The following SEPTIN1 variants were observed in gnomAD, a reference collection of about 807,000 sequenced individuals.
SEPTIN1 encodes the protein septin-1.
Under a neutral mutation model 50.7 loss-of-function variants are expected in SEPTIN1, and 52 were observed. The ratio of observed to expected loss-of-function variants is 1.03; its 90% CI spans 0.82 to 1.29. The LOEUF is 1.29. SEPTIN1 is among the 50% of genes most tolerant of loss of function. The pLI is 0.00. For missense variants in SEPTIN1, 455 were observed against 490.7 expected, an observed-to-expected ratio of 0.93 and a Z score of 0.69; for synonymous variants, 204 against 189.1, an observed-to-expected ratio of 1.08 and a Z score of -0.65.
Position 30,381,940 on chromosome 16 carries a change from C to T in SEPTIN1, c.197-57G>A. ...GGAGGCTCTGAGGCAGAATTAATTT[C>T]CTTTGTCAATATCACAGTTGCCTGC... On this transcript the variant is annotated intron_variant, in intron 3 of 10. Coordinates refer to ENST00000321367, the MANE Select transcript of SEPTIN1 (RefSeq NM_001365977.2). The surrounding 1 kb of genome is among the most constrained non-coding windows in gnomAD (Gnocchi z 4.3). The T allele has an allele frequency of 6.2e-7, 1 of 1,609,928 alleles. No individual in the cohort carries two copies. Among genetic ancestry groups the T allele is most frequent in the South Asian group, 1.1e-5 (1 of 90,632 alleles).
intron 6 of SEPTIN1, chr16:30,380,526 T>A (rs544234282): frequency 1.3e-5 from 2 of 158,742 alleles, no homozygotes; most frequent in East Asian, 3.8e-4. Context: ...TGTCTTAAAC[T>A]CTTCAGCTCA....
In SEPTIN1 at chr16:30,379,499, C is replaced by T. The variant is rs371586167; in HGVS notation, c.711G>A (p.Glu237=). The T allele has an allele frequency of 4.3e-6, 7 of 1,613,880 alleles. No homozygotes were observed. The highest frequency in any genetic ancestry group is 5.9e-6 in the Non-Finnish European group (7 of 1,180,020). Residue 237 remains glutamate, a synonymous_variant, in exon 8 of 11, where the codon GAG becomes GAA. Transcript: ENST00000321367. The part of the protein sequence containing the change: ...SIPFAVVGSC[E]VVRDGGNRPV... The stretch of plus-strand genomic sequence containing the variant: ...GCCGGTTCCCGCCATCCCTCACCAC[C>T]TCGCATGATCCCACGACTGCAAAAG...
chr16:30,382,018 G>A lies in SEPTIN1; in HGVS notation c.196+75C>T. On this transcript the variant is annotated intron_variant, in intron 3 of 10. Coordinates refer to ENST00000321367, the MANE Select transcript of SEPTIN1 (RefSeq NM_001365977.2). The surrounding 1 kb of genome is among the most constrained non-coding windows in gnomAD (Gnocchi z 4.8). ...AGAAAAAAAGCAGTCAACTACCTGA[G>A]TCCCCAGATGGAAAAGACTAGGGTG... 1.3e-6 allele frequency: 2 copies of A among 1,597,356 alleles called. No individual in the cohort carries two copies. Among genetic ancestry groups the A allele is most frequent in the Admixed American group, 3.4e-5 (2 of 58,636 alleles).
rs746237388 is a variant in SEPTIN1 at position 30,382,200 on chromosome 16, A to C, written c.110-21T>G. 2 of 1,612,850 alleles carry C rather than the reference A, an allele frequency of 1.2e-6. No individual in the cohort carries two copies. The highest frequency in any genetic ancestry group is 1.1e-5 in the South Asian group (1 of 90,956). On this transcript the variant is annotated intron_variant, in intron 2 of 10. Transcript: ENST00000321367. The surrounding 1 kb of genome is among the most constrained non-coding windows in gnomAD (Gnocchi z 4.8). Reference sequence around the variant, plus strand: ...CTCCCCTGTGGACAGAACAGGCCCAACTGGTCAGGGGAGGGGACAGCCAGG... The same window carrying C: ...CTCCCCTGTGGACAGAACAGGCCCACCTGGTCAGGGGAGGGGACAGCCAGG...
At chr16:30,378,873 A>AGAGACG (rs1382127421) in intron 9 of SEPTIN1, 145 bp downstream of exon 9, 2 of 487,038 alleles carry the variant, frequency 4.1e-6, no homozygotes, top group African/African-American at 5.5e-5. Flanking sequence ...GGAGAGACGG[A>AGAGACG]GAGAGGGAGG....
chr16:30,380,146 C>T, intron 6 of SEPTIN1, 113 bp from the exon 7 acceptor site: 1 of 780,124 alleles, frequency 1.3e-6, no homozygotes. Context: ...GAGAGAAAGA[C>T]ATGAAAGACA....
In SEPTIN1 at chr16:30,379,442, G is replaced by C. The variant is rs772941508; in HGVS notation, c.768C>G (p.Thr256=). ...CTGCCTGGCCTCACTCACCCTCCAC[G>C]GTCCCCCAGGAGTAGCGGCGTCCCC... The part of the protein sequence containing the change: ...PVRGRRYSWG[T]VEVENPHHCD... The change falls in exon 8 of 11, where the codon ACC becomes ACG. Residue 256 remains threonine (T), a synonymous_variant. Transcript: ENST00000321367. 5 of 1,613,520 alleles carry C rather than the reference G, an allele frequency of 3.1e-6. No individual in the cohort carries two copies. The African/African-American group carries it at 4.0e-5, about 13-fold the overall frequency.
chr16:30,379,445 C>G lies in SEPTIN1; in HGVS notation c.765G>C (p.Gly255=). ...RPVRGRRYSW[G]TVEVENPHHC... Reference sequence around the variant, plus strand: ...CCTGGCCTCACTCACCCTCCACGGTCCCCCAGGAGTAGCGGCGTCCCCTCA... The same window carrying G: ...CCTGGCCTCACTCACCCTCCACGGTGCCCCAGGAGTAGCGGCGTCCCCTCA... Residue 255 remains glycine (G), a synonymous_variant, in exon 8 of 11, where the codon GGG becomes GGC. Coordinates refer to ENST00000321367, the MANE Select transcript of SEPTIN1 (RefSeq NM_001365977.2). 1 of 1,613,468 alleles carries G rather than the reference C, an allele frequency of 6.2e-7. No homozygotes were observed. The highest frequency in any genetic ancestry group is 8.5e-7 in the Non-Finnish European group (1 of 1,179,616).
rs994591750 is a variant in SEPTIN1, at chr16:30,379,037, G to A, written c.922C>T (p.Arg308Cys). ...CLQSLARPGA[R>C]DRASRSKLSR... The stretch of plus-strand genomic sequence containing the variant: ...TCTCACCTGCGGCTGGCTCGATCGC[G>A]AGCCCCAGGCCGGGCCAGGCTCTGT... Residue 308 changes from arginine (R) to cysteine (C), a missense_variant, in exon 9 of 11, where the codon CGC becomes TGC. Coordinates refer to ENST00000321367, the MANE Select transcript of SEPTIN1 (RefSeq NM_001365977.2). The A allele has an allele frequency of 2.5e-6, 4 of 1,613,010 alleles. No individual in the cohort carries two copies. Among genetic ancestry groups the A allele is most frequent in the Middle Eastern group, 1.6e-4 (1 of 6,082 alleles).
intron 7 of SEPTIN1, 179 bp downstream of exon 7, chr16:30,379,753 C>T: frequency 3.5e-6 from 2 of 578,878 alleles, no homozygotes; most frequent in East Asian, 6.0e-5. Context: ...ATTACAGGCG[C>T]CCACCATCAC....
Sources: allele counts gnomAD v4.1 joint callset, GRCh38; gene constraint gnomAD v4.1.1; non-coding constraint Gnocchi (gnomAD v3.1); transcripts MANE v1.5; gene names NCBI Gene and HGNC (gene_info 2026-07-23, HGNC 2026-07-21).